TMEM132B: variants seen among roughly 807,000 people sequenced by gnomAD.
TMEM132B encodes transmembrane protein 132B.
A neutral mutation model predicts 90.8 loss-of-function variants in TMEM132B; 18 were observed. The ratio of observed to expected loss-of-function variants is 0.20; its 90% CI spans 0.14 to 0.29. The LOEUF is 0.29. TMEM132B is among the 10% of genes least tolerant of loss of function. The probability of loss-of-function intolerance (pLI) is 1.00; values close to 1 mark genes in which losing one functional copy is unlikely to be tolerated. For missense variants in TMEM132B, 1,096 were observed against 1,326.8 expected (o/e 0.83, Z 2.70); for synonymous variants, 504 against 523.3 (o/e 0.96, Z 0.50).
chr12:125,395,148 G>A (rs572113427), intron 2 of TMEM132B, among the ~76,000 whole-genome samples: 2 of 152,326 alleles, frequency 1.3e-5, no homozygotes, highest in Admixed American at 6.5e-5. Flanking sequence ...CAGGCTAGTT[G>A]AGAAGTCTTC....
At chr12:125,225,718 G>A (rs559691763) in intron 1 of TMEM132B, among the ~76,000 whole-genome samples, 1 of 152,184 alleles carries the variant, frequency 6.6e-6, no homozygotes, top group East Asian at 1.9e-4. Flanking sequence ...ACCTCCGCGG[G>A]GCTTGCAATT....
chr12:125,279,794 C>A (rs1362240318), intron 1 of TMEM132B, among the ~76,000 whole-genome samples: 1 of 152,128 alleles, frequency 6.6e-6, no homozygotes, highest in Non-Finnish European at 1.5e-5. Context: ...TTGAGAAACC[C>A]TCTAACAGGA....
chr12:125,515,722 TCA>T (rs1195524970), intron 3 of TMEM132B, among the ~76,000 whole-genome samples: 5 of 151,422 alleles, frequency 3.3e-5, no homozygotes, highest in African/African-American at 4.9e-5. Flanking sequence ...TCACACGTTC[TCA>T]CACACATTCA....
chr12:125,594,164 T>C (rs186680067), intron 5 of TMEM132B, among the ~76,000 whole-genome samples: 157 of 152,360 alleles, frequency 1.0e-3, no homozygotes, highest in African/African-American at 3.4e-3. Context: ...GTATGCTCCC[T>C]GTCTTTCCTT....
At chr12:125,247,581 AC>A (rs1353376943) in intron 1 of TMEM132B, among the ~76,000 whole-genome samples, 7 of 152,108 alleles carry the variant, frequency 4.6e-5, no homozygotes, top group Non-Finnish European at 1.0e-4. Flanking sequence ...CCCCAGGGAG[AC>A]AAGTGACCAA....
chr12:125,478,430 T>C (rs1345924869), intron 3 of TMEM132B, among the ~76,000 whole-genome samples: 1 of 152,210 alleles, frequency 6.6e-6, no homozygotes, highest in Non-Finnish European at 1.5e-5. Flanking sequence ...AATGACCTGA[T>C]GGAGCTGAAA....
In TMEM132B at chr12:125,350,204, G is replaced by T; in HGVS notation, c.820G>T (p.Asp274Tyr). 2 of 1,614,160 alleles carry T rather than the reference G, an allele frequency of 1.2e-6. No homozygotes were observed. The highest frequency in any genetic ancestry group is 8.5e-7 in the Non-Finnish European group (1 of 1,180,032). The change falls in exon 2 of 9, where the codon GAT becomes TAT. Residue 274 changes from aspartate to tyrosine, a missense_variant. Physicochemically the swap from Asp to Tyr is radical, Grantham distance 160. Transcript: ENST00000682704. Reference sequence around the variant, plus strand: ...GAGTGTGGTGGTCTACCCAACCCAAGATGATCTGAAGTGGTCCCTGGTGAG... The same window carrying T: ...GAGTGTGGTGGTCTACCCAACCCAATATGATCTGAAGTGGTCCCTGGTGAG... Reference protein sequence around the residue: ...IGSVVVYPTQDDLKWSLVSLD... With the variant: ...IGSVVVYPTQYDLKWSLVSLD...
At chr12:125,523,740 CACCAG>C (rs1443942453) in intron 4 of TMEM132B, among the ~76,000 whole-genome samples, 3 of 152,340 alleles carry the variant, frequency 2.0e-5, no homozygotes, top group Admixed American at 6.5e-5. Flanking sequence ...CTGCTGCCTG[CACCAG>C]CTTACAGCTT....
intron 1 of TMEM132B, among the ~76,000 whole-genome samples, chr12:125,332,566 T>C (rs1876812084): frequency 7.0e-6 from 1 of 142,294 alleles, no homozygotes; most frequent in African/African-American, 2.6e-5. Context: ...ATCTGAGAAA[T>C]TAATTCAGAG....
rs1250604078 is a variant in TMEM132B at position 125,186,621 on chromosome 12, G to A, written c.-179G>A. Among the ~76,000 whole-genome samples the A allele has an allele frequency of 1.4e-5, 2 of 146,858 alleles. No homozygotes were observed. The highest frequency in any genetic ancestry group is 3.0e-5 in the Non-Finnish European group (2 of 65,984). On this transcript the variant is annotated 5_prime_UTR_variant, in exon 1 of 9. Coordinates refer to ENST00000682704, the MANE Select transcript of TMEM132B (RefSeq NM_001366854.1). The surrounding 1 kb of genome is among the most constrained non-coding windows in gnomAD (Gnocchi z 6.3). ...GGCCGAGCCCAGGAGAGCGCGCAGA[G>A]GCGCAGCCGAGGAAGCGCCGCCAGC...
chr12:125,500,893 T>C (rs1882680044), intron 3 of TMEM132B, among the ~76,000 whole-genome samples: 1 of 152,220 alleles, frequency 6.6e-6, no homozygotes, highest in Admixed American at 6.5e-5. Context: ...TGCTTGTCCC[T>C]ATCTTTGATG....
intron 1 of TMEM132B, among the ~76,000 whole-genome samples, chr12:125,200,423 G>A (rs994774938): frequency 3.9e-5 from 6 of 152,100 alleles, no homozygotes; most frequent in South Asian, 4.1e-4. Flanking sequence ...TGTCTCTTCA[G>A]TATTCATCTC....
chr12:125,561,372 G>T (rs920316990), intron 4 of TMEM132B, among the ~76,000 whole-genome samples: 5 of 151,950 alleles, frequency 3.3e-5, no homozygotes, highest in East Asian at 1.9e-4. Context: ...GGCCTGTCAG[G>T]GGGTAGGGGG....
chr12:125,430,616 A>G (rs1288450516), intron 3 of TMEM132B, among the ~76,000 whole-genome samples: 3 of 152,124 alleles, frequency 2.0e-5, no homozygotes, highest in Non-Finnish European at 4.4e-5. Context: ...GCCGAGCTTG[A>G]ACCAGGTCTT....
At chr12:125,270,173 G>A (rs978893458) in intron 1 of TMEM132B, among the ~76,000 whole-genome samples, 2 of 149,340 alleles carry the variant, frequency 1.3e-5, no homozygotes, top group African/African-American at 2.5e-5. Context: ...GTCTTGCTCT[G>A]TAACCCAGAC....
chr12:125,462,416 C>T (rs531304163), intron 3 of TMEM132B, among the ~76,000 whole-genome samples: 2 of 152,122 alleles, frequency 1.3e-5, no homozygotes, highest in South Asian at 2.1e-4. Context: ...CATGGAGGGG[C>T]GAGTCTGGCA....
intron 1 of TMEM132B, among the ~76,000 whole-genome samples, chr12:125,193,878 T>C (rs771543846): frequency 5.9e-5 from 9 of 152,214 alleles, no homozygotes; most frequent in Non-Finnish European, 4.4e-5. Context: ...TCAAGTGCCA[T>C]GGGGAGAGAA....
intron 1 of TMEM132B, among the ~76,000 whole-genome samples, chr12:125,320,025 A>G (rs796939193): frequency 1.4e-4 from 21 of 152,118 alleles, no homozygotes; most frequent in African/African-American, 4.8e-4. Context: ...TAAAAAAAAA[A>G]AAGGGAGCCA....
intron 3 of TMEM132B, among the ~76,000 whole-genome samples, chr12:125,441,828 T>G (rs1351252039): frequency 6.6e-6 from 1 of 152,246 alleles, no homozygotes; most frequent in African/African-American, 2.4e-5. Flanking sequence ...TGTTGCAGGC[T>G]TATGGTGGAG....
Sources: allele counts gnomAD v4.1 joint callset (sites outside exome capture counted in the v4.1 genomes callset), GRCh38; gene constraint gnomAD v4.1.1; non-coding constraint Gnocchi (gnomAD v3.1); transcripts MANE v1.5; gene names NCBI Gene and HGNC (gene_info 2026-07-23, HGNC 2026-07-21).